The following ENOX1 variants were observed in gnomAD, a reference collection of about 807,000 sequenced individuals.
The protein encoded by ENOX1 is ecto-NOX disulfide-thiol exchanger 1.
A neutral mutation model predicts 82.5 loss-of-function variants in ENOX1; 42 were observed. The observed-to-expected ratio is 0.51, with a 90% CI of 0.40 to 0.66. The LOEUF (loss-of-function observed/expected upper bound fraction) is 0.66. Among genes scored for constraint, ENOX1 ranks in the 30% least tolerant of loss-of-function variants. The pLI is 0.00. For synonymous variants in ENOX1, 271 were observed against 282.2 expected (o/e 0.96, Z 0.40); for missense variants, 608 against 811.6 (o/e 0.75, Z 3.05).
At position 43,659,210 on chromosome 13, in the gene ENOX1, C is replaced by T. The variant is rs370874526; in HGVS notation, c.-219+8269G>A. Among the ~76,000 whole-genome samples the T allele has an allele frequency of 7.3e-4, 111 of 152,112 alleles. 1 individual carries two copies. In the South Asian group the frequency reaches 0.02, roughly 27 times the overall value. ...CTTTTTTCAGATTTATTCTTCTGGC[C>T]GGGCACTGTGGCTCACACCTATAAT... On this transcript the variant is annotated intron_variant, in intron 2 of 16. Coordinates refer to ENST00000690772, the MANE Select transcript of ENOX1 (RefSeq NM_001347969.2).
chr13:43,652,854 G>A (rs2084257579), intron 2 of ENOX1, among the ~76,000 whole-genome samples: 1 of 152,248 alleles, frequency 6.6e-6, no homozygotes, highest in African/African-American at 2.4e-5. Flanking sequence ...ACAAAACCAG[G>A]AGGTGGCCTG....
chr13:43,365,338 G>T (rs1478010247), intron 5 of ENOX1, among the ~76,000 whole-genome samples: 4 of 152,200 alleles, frequency 2.6e-5, no homozygotes, highest in African/African-American at 9.7e-5. Context: ...GAACAAGTCT[G>T]GTCTGGAAGG....
intron 15 of ENOX1, among the ~76,000 whole-genome samples, chr13:43,231,021 C>T (rs1401230556): frequency 3.9e-5 from 6 of 152,112 alleles, no homozygotes; most frequent in Admixed American, 2.6e-4. Flanking sequence ...TTCTCTACAC[C>T]TACACTGGTT....
intron 9 of ENOX1, among the ~76,000 whole-genome samples, chr13:43,328,624 T>A (rs1452233792): frequency 6.6e-6 from 1 of 152,056 alleles, no homozygotes; most frequent in Non-Finnish European, 1.5e-5. Flanking sequence ...TAAGGAAGAC[T>A]AGTAATGCAC....
chr13:43,517,352 G>A (rs1387066080), intron 2 of ENOX1, among the ~76,000 whole-genome samples: 1 of 152,094 alleles, frequency 6.6e-6, no homozygotes, highest in Non-Finnish European at 1.5e-5. Context: ...ACAAAAATTA[G>A]CTGGGCGTGG....
intron 2 of ENOX1, among the ~76,000 whole-genome samples, chr13:43,565,334 T>C (rs2079871259): frequency 6.6e-6 from 1 of 152,094 alleles, no homozygotes; most frequent in African/African-American, 2.4e-5. Flanking sequence ...AAGCAAAAAG[T>C]AATTGTGAAG....
intron 16 of ENOX1, among the ~76,000 whole-genome samples, chr13:43,221,767 T>A (rs1351548902): frequency 2.6e-5 from 4 of 152,172 alleles, no homozygotes; most frequent in Non-Finnish European, 5.9e-5. Flanking sequence ...CCATTCCTAG[T>A]CATTCTTACA....
In ENOX1 at chr13:43,356,033, G is replaced by C; in HGVS notation, c.709C>G (p.Arg237Gly). 1.2e-6 allele frequency: 2 copies of C among 1,614,068 alleles called. No individual in the cohort carries two copies. Among genetic ancestry groups the C allele is most frequent in the Non-Finnish European group, 1.7e-6 (2 of 1,180,024 alleles). ...EWECKQRMRA[R>G]EERHRRKLEE... ...AGCTTGCGCCGGTGCCGCTCCTCCC[G>C]GGCACGCATCCTCTGCTTGCATTCC... The change falls in exon 8 of 17, where the codon CGG (arginine) becomes GGG (glycine). Residue 237 changes from arginine to glycine, a missense_variant. Arg to Gly is a moderately radical substitution (Grantham distance 125). Transcript: ENST00000690772.
intron 2 of ENOX1, among the ~76,000 whole-genome samples, chr13:43,603,891 G>T: frequency 9.5e-6 from 1 of 105,644 alleles, no homozygotes; most frequent in Non-Finnish European, 1.8e-5. Flanking sequence ...ATAGTCCTTT[G>T]GGTATATACC....
At chr13:43,244,732 C>G (rs997197473) in intron 14 of ENOX1, among the ~76,000 whole-genome samples, 3 of 152,136 alleles carry the variant, frequency 2.0e-5, no homozygotes, top group Non-Finnish European at 4.4e-5. Context: ...ATGAGTGGGA[C>G]AGTCGACAAG....
chr13:43,218,582 C>T (rs529225282), intron 16 of ENOX1, among the ~76,000 whole-genome samples: 4 of 152,242 alleles, frequency 2.6e-5, no homozygotes, highest in African/African-American at 9.6e-5. Context: ...GCTGTGATTG[C>T]TCCACTGCAC....
At chr13:43,541,709 T>G (rs1434553476) in intron 2 of ENOX1, among the ~76,000 whole-genome samples, 1 of 152,230 alleles carries the variant, frequency 6.6e-6, no homozygotes, top group Non-Finnish European at 1.5e-5. Context: ...CACAATTTGT[T>G]TCTTCCCTAA....
intron 7 of ENOX1, among the ~76,000 whole-genome samples, chr13:43,357,828 T>C (rs2050246675): frequency 6.6e-6 from 1 of 152,186 alleles, no homozygotes; most frequent in African/African-American, 2.4e-5. Flanking sequence ...AGACAGGCCT[T>C]CCAGCTGGGC....
At chr13:43,583,022 C>T (rs1036060299) in intron 2 of ENOX1, among the ~76,000 whole-genome samples, 3 of 152,170 alleles carry the variant, frequency 2.0e-5, no homozygotes, top group African/African-American at 7.2e-5. Context: ...CACACGCACG[C>T]ACACACACAG....
At chr13:43,214,987 T>A (rs138778673) in intron 16 of ENOX1, among the ~76,000 whole-genome samples, 420 of 152,260 alleles carry the variant, frequency 2.8e-3, no homozygotes, top group Non-Finnish European at 4.8e-3. Context: ...AGATAATTAG[T>A]CTCTTTAAGC....
At chr13:43,329,133 G>C (rs2048282503) in intron 9 of ENOX1, among the ~76,000 whole-genome samples, 1 of 152,216 alleles carries the variant, frequency 6.6e-6, no homozygotes, top group Admixed American at 6.5e-5. Flanking sequence ...GGAGTGGCCT[G>C]TTCAAAGGCT....
chr13:43,258,981 G>A (rs1343138183), intron 14 of ENOX1, among the ~76,000 whole-genome samples: 1 of 152,186 alleles, frequency 6.6e-6, no homozygotes, highest in Non-Finnish European at 1.5e-5. Context: ...TCAGCTCCAT[G>A]TGGGGGCAGA....
chr13:43,320,226 C>A (rs2047726453), intron 11 of ENOX1, among the ~76,000 whole-genome samples: 1 of 152,230 alleles, frequency 6.6e-6, no homozygotes, highest in South Asian at 2.1e-4. Flanking sequence ...AAACCACATG[C>A]CACATTCTCT....
At chr13:43,529,185 G>A (rs1287638275) in intron 2 of ENOX1, among the ~76,000 whole-genome samples, 1 of 151,986 alleles carries the variant, frequency 6.6e-6, no homozygotes, top group African/African-American at 2.4e-5. Flanking sequence ...TGAGTAGCAT[G>A]ATGAAATCTT....
Sources: gnomAD v4.1 joint callset for allele counts (sites outside exome capture counted in the v4.1 genomes callset) on GRCh38, gnomAD v4.1.1 for gene constraint, MANE v1.5 for transcripts, NCBI Gene and HGNC (gene_info 2026-07-23, HGNC 2026-07-21) for gene names.